Variants in WASHC5 observed in about 807,000 individuals in gnomAD.
WASHC5 encodes the protein WASH complex subunit strumpellin.
Under a neutral mutation model 150.4 loss-of-function variants are expected in WASHC5, and 101 were observed. The observed-to-expected ratio is 0.67, with a 90% CI of 0.57 to 0.79. The LOEUF is 0.79. WASHC5 is among the 30% of genes least tolerant of loss of function. The pLI is 0.00. For synonymous variants in WASHC5, 467 were observed against 491.2 expected (o/e 0.95, Z 0.65); for missense variants, 1,195 against 1,396.3 (o/e 0.86, Z 2.30).
intron 4 of WASHC5, among the ~76,000 whole-genome samples, 187 bp from the exon 5 acceptor site, chr8:125,081,948 A>T (rs923434054): frequency 1.3e-5 from 2 of 152,264 alleles, no homozygotes; most frequent in Non-Finnish European, 2.9e-5. Context: ...AGTTTATGTA[A>T]AACAGATTTT....
At chr8:125,082,860 A>C in intron 3 of WASHC5, 1 of 400,644 alleles carries the variant, frequency 2.5e-6, no homozygotes, top group Non-Finnish European at 4.4e-6. Flanking sequence ...TATGATAATA[A>C]ATAACAGGAT....
At chr8:125,040,638 C>T (rs189286210) in intron 23 of WASHC5, 13 of 152,250 alleles carry the variant, frequency 8.5e-5, no homozygotes, top group African/African-American at 2.9e-4. Context: ...GATGAGTTCT[C>T]ACGAGATCTG....
chr8:125,061,742 G>A (rs1231226743), intron 11 of WASHC5, among the ~76,000 whole-genome samples: 1 of 152,182 alleles, frequency 6.6e-6, no homozygotes, highest in Non-Finnish European at 1.5e-5. Flanking sequence ...GGAACCGGCA[G>A]ACATTTCATA....
intron 5 of WASHC5, 137 bp downstream of exon 5, chr8:125,081,524 C>T: frequency 2.9e-6 from 2 of 694,266 alleles, no homozygotes; most frequent in Non-Finnish European, 5.3e-6. Context: ...CAGGCGTTAG[C>T]CACTGTGCCC....
chr8:125,041,230 T>C (rs558145575), intron 23 of WASHC5, among the ~76,000 whole-genome samples: 1 of 152,146 alleles, frequency 6.6e-6, no homozygotes, highest in Non-Finnish European at 1.5e-5. Flanking sequence ...GGACAAAGTA[T>C]TCCTAAAAGA....
intron 10 of WASHC5, among the ~76,000 whole-genome samples, chr8:125,064,515 C>T (rs940367215): frequency 2.6e-5 from 4 of 151,860 alleles, no homozygotes. Flanking sequence ...AGCCACTGTA[C>T]CGCCTTAATT....
At position 125,078,619 on chromosome 8, in the gene WASHC5, A is replaced by C. The variant is rs547441162; in HGVS notation, c.711+119T>G. On this transcript the variant is annotated intron_variant, in intron 6 of 28. Coordinates refer to ENST00000318410, the MANE Select transcript of WASHC5 (RefSeq NM_014846.4). ...CCTGGGGTGTAGCTCAAAAGGTTTT[A>C]AAAGGTTCTACCTGCTTTTACTCTT... 18 of 839,528 alleles carry C rather than the reference A, an allele frequency of 2.1e-5. No individual in the cohort carries two copies. The East Asian group carries it at 4.7e-4, about 22-fold the overall frequency. 52.0% of individuals were successfully genotyped at this position (839,528 alleles called of 1,614,324 possible).
At chr8:125,064,517 G>A (rs189074958) in intron 10 of WASHC5, among the ~76,000 whole-genome samples, 94 of 151,514 alleles carry the variant, frequency 6.2e-4, no homozygotes, top group Non-Finnish European at 1.0e-3. Context: ...CCACTGTACC[G>A]CCTTAATTCT....
intron 5 of WASHC5, among the ~76,000 whole-genome samples, chr8:125,079,142 A>AG: frequency 9.2e-6 from 1 of 108,208 alleles, no homozygotes; most frequent in Non-Finnish European, 1.7e-5. Context: ...ATATATATAC[A>AG]TTTTTTTTTG....
At chr8:125,028,921 G>C (rs977408972) in intron 27 of WASHC5, among the ~76,000 whole-genome samples, 1 of 152,056 alleles carries the variant, frequency 6.6e-6, no homozygotes, top group Non-Finnish European at 1.5e-5. Flanking sequence ...TTCTCTATAC[G>C]GTTTCCATGG....
intron 20 of WASHC5, 45 bp downstream of exon 20, chr8:125,047,162 A>C: frequency 6.2e-7 from 1 of 1,611,772 alleles, no homozygotes; most frequent in Non-Finnish European, 8.5e-7. Context: ...TGCAGATGAG[A>C]CTGCCTGCAG....
chr8:125,050,623 G>A lies in WASHC5; in HGVS notation c.2140C>T (p.Leu714Phe), dbSNP rs1563617799. Residue 714 changes from leucine (L) to phenylalanine (F), a missense_variant, in exon 18 of 29, where the codon CTT (leucine) becomes TTT (phenylalanine). Physicochemically the swap from Leu to Phe is conservative, Grantham distance 22. This residue lies in a region of WASHC5 where 997 missense variants were observed against 1,168.1 expected (regional missense o/e 0.85). Transcript: ENST00000318410. ...AGGGCAAAGGCAACGCGCTTCACAA[G>A]CTCTTTCCTTATTCCATCTTCCAGC... Reference protein sequence around the residue: ...QLLEDGIRKELVKRVAFALHR... With the variant: ...QLLEDGIRKEFVKRVAFALHR... 2 of 1,614,088 alleles carry A rather than the reference G, an allele frequency of 1.2e-6. No individual in the cohort carries two copies.
chr8:125,036,949 A>G lies in WASHC5; in HGVS notation c.3181+288T>C, dbSNP rs13257850. On this transcript the variant is annotated intron_variant, in intron 26 of 28. Transcript: ENST00000318410. ...AATCGCTTGAACCTGCGAGGCAGAG[A>G]CTGCAGTGAGCTGAGACCACGCCAT... 0.39 allele frequency among the ~76,000 whole-genome samples: 58,633 copies of G among 152,006 alleles called. 13,420 individuals carry two copies. The highest frequency in any genetic ancestry group is 0.63 in the African/African-American group (26,158 of 41,466).
intron 5 of WASHC5, among the ~76,000 whole-genome samples, chr8:125,079,718 T>C (rs566376200): frequency 1.6e-3 from 245 of 152,306 alleles, no homozygotes; most frequent in Non-Finnish European, 2.6e-3. Context: ...GGAAAATTTA[T>C]AAATATTTAC....
intron 7 of WASHC5, 64 bp downstream of exon 7, chr8:125,076,284 A>T (rs1817057276): frequency 6.6e-7 from 1 of 1,521,578 alleles, no homozygotes; most frequent in East Asian, 2.3e-5. Context: ...GTTAAAGGCC[A>T]AAAGAATGGG....
In WASHC5 at chr8:125,078,772, A is replaced by T. The variant is rs755285830; in HGVS notation, c.677T>A (p.Ile226Asn). 12 of 1,614,044 alleles carry T rather than the reference A, an allele frequency of 7.4e-6. No individual in the cohort carries two copies. Among genetic ancestry groups the T allele is most frequent in the Non-Finnish European group, 1.0e-5 (12 of 1,179,930 alleles). The change falls in exon 6 of 29, where the codon ATT becomes AAT. Residue 226 changes from isoleucine (I) to asparagine (N), a missense_variant. Transcript: ENST00000318410. ...AATATCATCAGATCTCAGTCGACCA[A>T]TGACCATACTGATGAAGGATTCGTT... is the stretch of plus-strand genomic sequence containing the variant. ...PINESFISMV[I>N]GRLRSDDIYN...
intron 10 of WASHC5, among the ~76,000 whole-genome samples, chr8:125,066,576 T>A (rs985994715): frequency 2.0e-5 from 3 of 152,182 alleles, no homozygotes; most frequent in African/African-American, 7.2e-5. Flanking sequence ...GTCCTCAAGA[T>A]GACCTTGTAC....
chr8:125,027,125 CTG>C (rs1815397878), intron 28 of WASHC5, among the ~76,000 whole-genome samples: 1 of 152,068 alleles, frequency 6.6e-6, no homozygotes, highest in African/African-American at 2.4e-5. Flanking sequence ...CTTTTTCACA[CTG>C]TATTTTTTAA....
In WASHC5 at chr8:125,091,679, A is replaced by G. The variant is rs890074572; in HGVS notation, c.-189T>C. On this transcript the variant is annotated 5_prime_UTR_variant, in exon 1 of 29. Transcript: ENST00000318410. ...GAGGTCGCGCGCGGAGCCGGCACCC[A>G]GTTTCCACCCCTCCCTCAAGGCGGC... 11 of 152,564 alleles carry G rather than the reference A, an allele frequency of 7.2e-5. No homozygotes were observed. The highest frequency in any genetic ancestry group is 2.4e-4 in the African/African-American group (10 of 41,574). 9.5% of individuals were successfully genotyped at this position (152,564 alleles called of 1,614,324 possible). A position where few individuals can be genotyped will look rare whatever the true frequency, so the allele number is the denominator to read the frequency against.
Sources: gnomAD v4.1 joint callset for allele counts (sites outside exome capture counted in the v4.1 genomes callset) on GRCh38, gnomAD v4.1.1 for gene constraint, gnomAD v4.1.1 regional missense constraint, MANE v1.5 for transcripts, NCBI Gene and HGNC (gene_info 2026-07-23, HGNC 2026-07-21) for gene names.